The following FAT3 variants were observed in gnomAD, a reference collection of about 807,000 sequenced individuals.
The protein encoded by FAT3 is FAT atypical cadherin 3.
Under a neutral mutation model 310.2 loss-of-function variants are expected in FAT3, and 95 were observed. The observed-to-expected ratio is 0.31, with a 90% CI of 0.26 to 0.36. FAT3 has a LOEUF of 0.36. Among genes scored for constraint, FAT3 ranks in the 10% least tolerant of loss-of-function variants. FAT3 has a pLI of 1.00. For missense variants in FAT3, 5,408 were observed against 5,715.6 expected (o/e 0.95, Z 1.74); for synonymous variants, 2,314 against 2,192.9 (o/e 1.06, Z -1.54).
At chr11:92,775,100 C>G (rs1946564880) in intron 7 of FAT3, among the ~76,000 whole-genome samples, 1 of 152,134 alleles carries the variant, frequency 6.6e-6, no homozygotes, top group South Asian at 2.1e-4. Context: ...TCCCCTAACC[C>G]CAGAAGGCAT....
chr11:92,353,761 C>T lies in FAT3; in HGVS notation c.1649C>T (p.Ser550Phe). 6.2e-7 allele frequency: 1 copy of T among 1,613,760 alleles called. No individual in the cohort carries two copies. The highest frequency in any genetic ancestry group is 8.5e-7 in the Non-Finnish European group (1 of 1,179,778). ...PEIYRFIVRA[S>F]DWGSPYRHES... Reference sequence around the variant, plus strand: ...ATTTACAGATTCATTGTTAGAGCCTCTGACTGGGGTTCACCATACCGCCAT... The same window carrying T: ...ATTTACAGATTCATTGTTAGAGCCTTTGACTGGGGTTCACCATACCGCCAT... The change falls in exon 2 of 28, where the codon TCT (serine) becomes TTT (phenylalanine). Residue 550 changes from serine (S) to phenylalanine (F), a missense_variant. Transcript: ENST00000525166.
chr11:92,431,127 A>C (rs1950762111), intron 2 of FAT3, among the ~76,000 whole-genome samples: 1 of 152,144 alleles, frequency 6.6e-6, no homozygotes, highest in South Asian at 2.1e-4. Flanking sequence ...AGTCCCACCA[A>C]CAGTGTAAAA....
At chr11:92,303,087 A>T (rs980102081) in intron 1 of FAT3, among the ~76,000 whole-genome samples, 4 of 152,140 alleles carry the variant, frequency 2.6e-5, no homozygotes, top group Non-Finnish European at 5.9e-5. Flanking sequence ...CTAAATAGTG[A>T]TGTATCCATG....
At chr11:92,556,211 G>A (rs1955012097) in intron 3 of FAT3, among the ~76,000 whole-genome samples, 1 of 152,186 alleles carries the variant, frequency 6.6e-6, no homozygotes, top group Admixed American at 6.5e-5. Context: ...ATAACCTGGA[G>A]GAAGAGGATT....
intron 2 of FAT3, among the ~76,000 whole-genome samples, chr11:92,435,524 T>TTC (rs1312835880): frequency 6.8e-6 from 1 of 147,974 alleles, no homozygotes; most frequent in African/African-American, 2.5e-5. Flanking sequence ...CCTTCCTTTC[T>TTC]CTTTCTTTCT....
At chr11:92,592,571 C>G (rs1377584930) in intron 3 of FAT3, among the ~76,000 whole-genome samples, 1 of 151,954 alleles carries the variant, frequency 6.6e-6, no homozygotes, top group African/African-American at 2.4e-5. Context: ...CTGCCTGGCT[C>G]GCCCTCCCAA....
At chr11:92,710,164 C>T (rs1000454331) in intron 4 of FAT3, among the ~76,000 whole-genome samples, 1 of 152,170 alleles carries the variant, frequency 6.6e-6, no homozygotes, top group African/African-American at 2.4e-5. Context: ...TCTTAAGAAG[C>T]TTCACAAAGA....
intron 1 of FAT3, among the ~76,000 whole-genome samples, chr11:92,277,004 T>G (rs966950195): frequency 6.6e-6 from 1 of 152,154 alleles, no homozygotes; most frequent in Admixed American, 6.6e-5. Flanking sequence ...TGCTTGCAGC[T>G]GTAGCTTATT....
chr11:92,617,491 A>G (rs557985437), intron 3 of FAT3, among the ~76,000 whole-genome samples: 8 of 152,250 alleles, frequency 5.3e-5, no homozygotes, highest in African/African-American at 1.9e-4. Context: ...CAACTCGTCA[A>G]AGTCATTCTC....
intron 13 of FAT3, among the ~76,000 whole-genome samples, chr11:92,830,249 T>G (rs531980455): frequency 6.6e-6 from 1 of 152,362 alleles, no homozygotes; most frequent in Admixed American, 6.5e-5. Flanking sequence ...TGAAATCCTC[T>G]AATGAAACCA....
rs758958914 is a variant in FAT3, at chr11:92,462,495, A to C, written c.3293-62139A>C. Reference sequence around the variant, plus strand: ...GCAAGCTTTAAAGAAATTTTATCTAAAGTTTTAAGGAGAATCCAGTATCCT... The same window carrying C: ...GCAAGCTTTAAAGAAATTTTATCTACAGTTTTAAGGAGAATCCAGTATCCT... On this transcript the variant is annotated intron_variant, in intron 2 of 27. Coordinates refer to ENST00000525166, the MANE Select transcript of FAT3 (RefSeq NM_001367949.2). Among the ~76,000 whole-genome samples the C allele has an allele frequency of 4.8e-4, 73 of 152,130 alleles. 1 individual carries two copies. Among genetic ancestry groups the C allele is most frequent in the Non-Finnish European group, 5.9e-5 (4 of 68,020 alleles).
chr11:92,555,191 G>T (rs1250345096), intron 3 of FAT3, among the ~76,000 whole-genome samples: 2 of 152,126 alleles, frequency 1.3e-5, no homozygotes, highest in Non-Finnish European at 2.9e-5. Flanking sequence ...TCTCTTCCTG[G>T]AATATGAGAT....
At chr11:92,614,853 T>G (rs77709897) in intron 3 of FAT3, among the ~76,000 whole-genome samples, 1,734 of 152,354 alleles carry the variant, frequency 0.011, 40 homozygotes, top group African/African-American at 0.039. Flanking sequence ...TACATTTAGA[T>G]CTATGATTCA....
Position 92,822,131 on chromosome 11 carries a change from G to A in FAT3, c.9482-9491G>A, listed in dbSNP as rs113856031. On this transcript the variant is annotated intron_variant, in intron 13 of 27. Transcript: ENST00000525166. ...TAAACATCCAGTTTCTTCCAAACAGGGATCAAAACACTAGCTGTCAAAGGA... is the reference window on the plus strand; with the variant it reads ...TAAACATCCAGTTTCTTCCAAACAGAGATCAAAACACTAGCTGTCAAAGGA... 3.3e-3 allele frequency among the ~76,000 whole-genome samples: 509 copies of A among 152,070 alleles called. 1 individual carries two copies. Among genetic ancestry groups the A allele is most frequent in the African/African-American group, 0.011 (475 of 41,476 alleles).
chr11:92,888,671 C>T (rs1565682031), intron 25 of FAT3, among the ~76,000 whole-genome samples: 1 of 152,188 alleles, frequency 6.6e-6, no homozygotes, highest in African/African-American at 2.4e-5. Context: ...CTGGTGGGAG[C>T]TAGGCCTTGG....
intron 3 of FAT3, among the ~76,000 whole-genome samples, chr11:92,552,978 G>T (rs1954874620): frequency 6.7e-6 from 1 of 149,658 alleles, no homozygotes; most frequent in Non-Finnish European, 1.5e-5. Flanking sequence ...AAAGAAAAAA[G>T]AATTGGAAAT....
chr11:92,475,045 C>G (rs1438751934), intron 2 of FAT3, among the ~76,000 whole-genome samples: 1 of 152,174 alleles, frequency 6.6e-6, no homozygotes, highest in East Asian at 1.9e-4. Flanking sequence ...TCTTCGTACC[C>G]ACCTTGACAC....
At chr11:92,231,709 G>A (rs764534735) in intron 1 of FAT3, among the ~76,000 whole-genome samples, 2 of 151,960 alleles carry the variant, frequency 1.3e-5, no homozygotes, top group Non-Finnish European at 2.9e-5. Context: ...AAATATCATT[G>A]AACATTATTT....
chr11:92,430,409 G>A (rs1950738965), intron 2 of FAT3, among the ~76,000 whole-genome samples: 1 of 152,128 alleles, frequency 6.6e-6, no homozygotes, highest in Non-Finnish European at 1.5e-5. Flanking sequence ...GAGGAGAAGA[G>A]GCATTCTGGT....
Sources: allele counts gnomAD v4.1 joint callset (sites outside exome capture counted in the v4.1 genomes callset), GRCh38; gene constraint gnomAD v4.1.1; transcripts MANE v1.5; gene names NCBI Gene and HGNC (gene_info 2026-07-23, HGNC 2026-07-21).